The following MARCHF8 variants were observed in gnomAD, a reference collection of about 807,000 sequenced individuals.
MARCHF8 encodes E3 ubiquitin-protein ligase MARCHF8.
MARCHF8 carries 40 observed loss-of-function variants against 51.6 expected under a neutral mutation model. That is an observed-to-expected ratio of 0.77 (90% CI 0.60 to 1.01). The LOEUF (loss-of-function observed/expected upper bound fraction) is 1.01, where lower values mean the gene tolerates loss of function less well. MARCHF8 is among the 50% of genes least tolerant of loss of function. MARCHF8 has a pLI of 0.00. For synonymous variants in MARCHF8, 263 were observed against 280.3 expected (o/e 0.94, Z 0.62); for missense variants, 685 against 708.6 (o/e 0.97, Z 0.38).
At chr10:45,511,825 G>C (rs1456090496) in intron 2 of MARCHF8, among the ~76,000 whole-genome samples, 1 of 152,018 alleles carries the variant, frequency 6.6e-6, no homozygotes, top group Non-Finnish European at 1.5e-5. Context: ...CTGCCCGGCC[G>C]CCACCCCGTC....
At chr10:45,492,439 A>AT (rs1217452837) in intron 2 of MARCHF8, among the ~76,000 whole-genome samples, 2 of 152,036 alleles carry the variant, frequency 1.3e-5, no homozygotes, top group Non-Finnish European at 2.9e-5. Flanking sequence ...CTGGGACTAC[A>AT]GGCGCCCACC....
upstream of MARCHF8, among the ~76,000 whole-genome samples, chr10:45,537,010 T>C (rs2043981902): frequency 6.6e-6 from 1 of 152,156 alleles, no homozygotes; most frequent in African/African-American, 2.4e-5. Flanking sequence ...AGCAAGGATG[T>C]TGTGACACTG....
At chr10:45,512,618 G>A (rs1466228968) in intron 2 of MARCHF8, among the ~76,000 whole-genome samples, 12 of 149,264 alleles carry the variant, frequency 8.0e-5, no homozygotes, top group Non-Finnish European at 1.0e-4. Flanking sequence ...TCAGCCCCCC[G>A]CCCGGCCAGC....
intron 2 of MARCHF8, among the ~76,000 whole-genome samples, chr10:45,495,958 G>A (rs1399935992): frequency 6.6e-6 from 1 of 152,060 alleles, no homozygotes; most frequent in Non-Finnish European, 1.5e-5. Context: ...TGGTACATGG[G>A]AACCACAAAA....
chr10:45,461,478 G>T, intron 5 of MARCHF8, 67 bp from the exon 6 acceptor site: 1 of 1,354,806 alleles, frequency 7.4e-7, no homozygotes, highest in Non-Finnish European at 9.8e-7. Flanking sequence ...CACTTCAGTG[G>T]CAGGTTAATC....
intron 1 of MARCHF8, among the ~76,000 whole-genome samples, chr10:45,573,939 C>G (rs1033524467): frequency 1.2e-4 from 19 of 152,108 alleles, no homozygotes; most frequent in Admixed American, 3.9e-4. Flanking sequence ...TTTAGTTATC[C>G]CCACCTGCCC....
chr10:45,573,564 G>A (rs960851363), intron 1 of MARCHF8, among the ~76,000 whole-genome samples: 7 of 152,106 alleles, frequency 4.6e-5, no homozygotes, highest in African/African-American at 7.2e-5. Flanking sequence ...CCATCTGTGC[G>A]GGACCCCACT....
At position 45,533,828 on chromosome 10, in the gene MARCHF8, T is replaced by A. The variant is rs1417876824; in HGVS notation, c.-78-539A>T. Among the ~76,000 whole-genome samples the A allele has an allele frequency of 2.0e-5, 3 of 152,192 alleles. No homozygotes were observed. The South Asian group carries it at 6.2e-4, about 32-fold the overall frequency. ...AGGGCAAGATACATATTTTAGGCAC[T>A]GTGGTCCAAGTGTGTTCCAGCTAAT... On this transcript the variant is annotated intron_variant, in intron 1 of 7. Coordinates refer to ENST00000453424, the MANE Select transcript of MARCHF8 (RefSeq NM_001282866.2).
rs185003237 is a variant in MARCHF8 at position 45,568,651 on chromosome 10, G to A, written c.-79+25584C>T. 3.6e-3 allele frequency among the ~76,000 whole-genome samples: 550 copies of A among 150,758 alleles called. 2 individuals are homozygous for A. Among genetic ancestry groups the A allele is most frequent in the African/African-American group, 0.012 (502 of 40,958 alleles). On this transcript the variant is annotated intron_variant, in intron 1 of 6. Transcript: ENST00000319836. ...AGAGAATCACTTGAACCCAGGAGGC[G>A]GAGGTTGCAGTGAGTTGAGATGGCA...
intron 2 of MARCHF8, among the ~76,000 whole-genome samples, chr10:45,531,489 G>A (rs1319575864): frequency 6.6e-6 from 1 of 151,864 alleles, no homozygotes; most frequent in African/African-American, 2.4e-5. Context: ...ATATTCTAGG[G>A]TTTAAAATTT....
chr10:45,521,833 C>T (rs1332698572), intron 2 of MARCHF8, among the ~76,000 whole-genome samples: 1 of 152,142 alleles, frequency 6.6e-6, no homozygotes, highest in Non-Finnish European at 1.5e-5. Context: ...ACCTGTCTGT[C>T]CTTCACCTAG....
chr10:45,537,413 G>A (rs1332810699), upstream of MARCHF8, among the ~76,000 whole-genome samples: 1 of 152,182 alleles, frequency 6.6e-6, no homozygotes, highest in African/African-American at 2.4e-5. Flanking sequence ...AGCACTTTGG[G>A]GGGCCAAGGT....
intron 1 of MARCHF8, among the ~76,000 whole-genome samples, chr10:45,533,572 G>A (rs2043924963): frequency 6.6e-6 from 1 of 151,994 alleles, no homozygotes; most frequent in African/African-American, 2.4e-5. Flanking sequence ...ACAAAGCAGT[G>A]CCACCATTTA....
At chr10:45,590,102 T>C (rs753983232) in intron 1 of MARCHF8, among the ~76,000 whole-genome samples, 9 of 152,238 alleles carry the variant, frequency 5.9e-5, no homozygotes, top group Admixed American at 1.3e-4. Context: ...ATAGCCATCT[T>C]AGTTTACTAA....
At chr10:45,541,656 A>T (rs553021651) in intron 1 of MARCHF8, among the ~76,000 whole-genome samples, 2 of 152,346 alleles carry the variant, frequency 1.3e-5, no homozygotes, top group South Asian at 4.1e-4. Flanking sequence ...AAATGTAATA[A>T]TTTGGCTTTA....
chr10:45,476,242 A>C (rs2042784803), intron 3 of MARCHF8, among the ~76,000 whole-genome samples: 1 of 152,190 alleles, frequency 6.6e-6, no homozygotes, highest in Non-Finnish European at 1.5e-5. Flanking sequence ...ATGAAATCCC[A>C]AAAAAAGAAT....
At chr10:45,533,950 A>G (rs1193091825) in intron 1 of MARCHF8, among the ~76,000 whole-genome samples, 3 of 152,150 alleles carry the variant, frequency 2.0e-5, no homozygotes, top group South Asian at 2.1e-4. Context: ...TTGGGAGGCC[A>G]AGGCGGGCAA....
At chr10:45,481,423 T>C (rs1484468322) in intron 3 of MARCHF8, among the ~76,000 whole-genome samples, 1 of 152,200 alleles carries the variant, frequency 6.6e-6, no homozygotes, top group Non-Finnish European at 1.5e-5. Context: ...TGATATGGTT[T>C]GGCTGTGTCC....
At position 45,463,188 on chromosome 10, in the gene MARCHF8, G is replaced by T. The variant is rs1842848658; in HGVS notation, c.1051C>A (p.Pro351Thr). ...CCTGACGTGGACACGGGAGATATGG[G>T]GGGTAATTTTTCAGAGAAGGGAGAA... ...CPSPFSEKLP[P>T]ISPVSTSGDV... Residue 351 changes from proline to threonine, a missense_variant, in exon 5 of 8, where the codon CCC (proline) becomes ACC (threonine). Coordinates refer to ENST00000453424, the MANE Select transcript of MARCHF8 (RefSeq NM_001282866.2). 6.4e-7 allele frequency: 1 copy of T among 1,550,508 alleles called. No homozygotes were observed. The highest frequency in any genetic ancestry group is 2.0e-5 in the Admixed American group (1 of 50,990).
Sources: allele counts gnomAD v4.1 joint callset (sites outside exome capture counted in the v4.1 genomes callset), GRCh38; gene constraint gnomAD v4.1.1; transcripts MANE v1.5; gene names NCBI Gene and HGNC (gene_info 2026-07-23, HGNC 2026-07-21).